TRAF1: variants seen among roughly 807,000 people sequenced by gnomAD.
TRAF1 encodes the protein TNF receptor-associated factor 1.
Under a neutral mutation model 40.9 loss-of-function variants are expected in TRAF1, and 23 were observed. The ratio of observed to expected loss-of-function variants is 0.56; its 90% CI spans 0.40 to 0.80. The LOEUF (loss-of-function observed/expected upper bound fraction) is 0.80. Among genes scored for constraint, TRAF1 ranks in the 30% least tolerant of loss-of-function variants. TRAF1 has a pLI of 0.00. For missense variants in TRAF1, 477 were observed against 528.7 expected (o/e 0.90, Z 0.96); for synonymous variants, 206 against 218.8 (o/e 0.94, Z 0.52).
At chr9:120,927,497 G>A (rs2046648848), upstream of TRAF1, 1 of 152,208 alleles carries the variant, frequency 6.6e-6, no homozygotes, top group Non-Finnish European at 1.5e-5. Context: ...GTGGGTCAAA[G>A]TGTGGTGTGT....
intron 2 of TRAF1, among the ~76,000 whole-genome samples, chr9:120,925,100 T>G (rs562404536): frequency 6.6e-6 from 1 of 152,342 alleles, no homozygotes; most frequent in South Asian, 2.1e-4. Context: ...TGTCGTCATG[T>G]TTGAACTTCT....
Position 120,914,291 on chromosome 9 carries a change from C to G in TRAF1, c.238G>C (p.Glu80Gln). The stretch of plus-strand genomic sequence containing the variant: ...CACCCAATTCCAGCCTCAGCCACCT[C>G]GGGGTGAGCCTGGAAATAATAATCA... ...RLRTQEKAHP[E>Q]VAEAGIGCPF... Residue 80 changes from glutamate (E) to glutamine (Q), a missense_variant, in exon 4 of 8, where the codon GAG becomes CAG. Coordinates refer to ENST00000373887, the MANE Select transcript of TRAF1 (RefSeq NM_005658.5). 6.6e-7 allele frequency: 1 copy of G among 1,520,574 alleles called. No individual in the cohort carries two copies. Among genetic ancestry groups the G allele is most frequent in the Non-Finnish European group, 8.9e-7 (1 of 1,122,890 alleles). 94.2% of individuals were successfully genotyped at this position (1,520,574 alleles called of 1,614,324 possible).
rs1021919399 is a variant in TRAF1, at chr9:120,926,687, A to G, written c.-364T>C. On this transcript the variant is annotated 5_prime_UTR_variant, in exon 1 of 8. An upstream start codon of the reference 5' UTR is lost. Coordinates refer to ENST00000373887, the MANE Select transcript of TRAF1 (RefSeq NM_005658.5). ...CCTCACAGTGGGTTCTGATGACTCC[A>G]TCTGTAAAAAAGAAGTTGCAACAGG... is the stretch of plus-strand genomic sequence containing the variant. The G allele has an allele frequency of 6.6e-6, 1 of 152,182 alleles. No individual in the cohort carries two copies. The highest frequency in any genetic ancestry group is 1.5e-5 in the Non-Finnish European group (1 of 68,094). The allele number at this position is 152,182 out of a possible 1,614,324, so 9.4% of individuals were successfully genotyped here.
chr9:120,911,534 C>T, intron 5 of TRAF1, 21 bp from the exon 6 acceptor site: 2 of 1,597,618 alleles, frequency 1.3e-6, no homozygotes, highest in Non-Finnish European at 1.7e-6. Flanking sequence ...GACTGTTCAG[C>T]CAGGAACACC....
At chr9:120,911,279 T>C (rs2131622590) in intron 6 of TRAF1, 57 bp downstream of exon 6, 2 of 1,570,150 alleles carry the variant, frequency 1.3e-6, no homozygotes, top group Admixed American at 1.8e-5. Context: ...GCTTGCTTCC[T>C]GGGTCCTGTG....
At chr9:120,925,198 G>T (rs142410063) in intron 2 of TRAF1, among the ~76,000 whole-genome samples, 21 of 152,338 alleles carry the variant, frequency 1.4e-4, no homozygotes, top group African/African-American at 4.3e-4. Flanking sequence ...GGGCATATTT[G>T]CCAGGAAACT....
At position 120,905,088 on chromosome 9, in the gene TRAF1, A is replaced by T; in HGVS notation, c.1183T>A (p.Ser395Thr). Residue 395 changes from serine to threonine, a missense_variant, in exon 8 of 8, where the codon TCA (serine) becomes ACA (threonine). Coordinates refer to ENST00000373887, the MANE Select transcript of TRAF1 (RefSeq NM_005658.5). ...PLFFPLSKLQSPKHAYVKDDT... is the reference protein window; with the variant it reads ...PLFFPLSKLQTPKHAYVKDDT... The stretch of plus-strand genomic sequence containing the variant: ...TCCTTCACGTAGGCGTGCTTGGGTG[A>T]CTGCAGTTTGCTGAGGGGGAAGAAG... 1 of 1,614,222 alleles carries T rather than the reference A, an allele frequency of 6.2e-7. No individual in the cohort carries two copies.
chr9:120,922,268 A>G (rs2046610603), intron 3 of TRAF1, among the ~76,000 whole-genome samples: 1 of 152,186 alleles, frequency 6.6e-6, no homozygotes, highest in African/African-American at 2.4e-5. Flanking sequence ...TTAAATTGAG[A>G]GATTAACAAA....
At chr9:120,925,895 C>T in intron 2 of TRAF1, 41 bp downstream of exon 2, 2 of 1,612,256 alleles carry the variant, frequency 1.2e-6, no homozygotes, top group Non-Finnish European at 1.7e-6. Context: ...CCCTCCCTGG[C>T]ACCCACTTTC....
upstream of TRAF1, chr9:120,928,866 A>C (rs1369456803): frequency 6.6e-6 from 1 of 152,288 alleles, no homozygotes; most frequent in African/African-American, 2.4e-5. Context: ...TTGCGAGGGC[A>C]GCGCTGGGAG....
chr9:120,911,766 T>G (rs969982732), intron 5 of TRAF1, among the ~76,000 whole-genome samples: 3 of 152,178 alleles, frequency 2.0e-5, no homozygotes, highest in Non-Finnish European at 4.4e-5. Context: ...TCTTTCAATA[T>G]GTTCTTACAG....
intron 3 of TRAF1, among the ~76,000 whole-genome samples, chr9:120,919,940 G>A (rs1185098775): frequency 2.0e-5 from 3 of 152,154 alleles, no homozygotes; most frequent in Non-Finnish European, 4.4e-5. Context: ...CCCACTTGCT[G>A]TGTGACTTTG....
rs897763404 is a variant in TRAF1 at position 120,902,588 on chromosome 9, C to T, written c.*2432G>A. 1 of 152,256 alleles carries T rather than the reference C, an allele frequency of 6.6e-6. No homozygotes were observed. The highest frequency in any genetic ancestry group is 2.4e-5 in the African/African-American group (1 of 41,412). 9.4% of individuals were successfully genotyped at this position (152,256 alleles called of 1,614,324 possible). A position where few individuals can be genotyped will look rare whatever the true frequency, so the allele number is the denominator to read the frequency against. Reference sequence around the variant, plus strand: ...TCATCTGACCCTTCTGACTCCCTCCCCCATCCTGCCACACAGACCCTGCCC... The same window carrying T: ...TCATCTGACCCTTCTGACTCCCTCCTCCATCCTGCCACACAGACCCTGCCC... On this transcript the variant is annotated 3_prime_UTR_variant, in exon 8 of 8. Transcript: ENST00000373887.
intron 2 of TRAF1, among the ~76,000 whole-genome samples, chr9:120,925,275 C>G (rs1176954264): frequency 6.6e-6 from 1 of 152,216 alleles, no homozygotes; most frequent in Non-Finnish European, 1.5e-5. Flanking sequence ...ATAATAGTAT[C>G]CACCCCTCTA....
intron 5 of TRAF1, among the ~76,000 whole-genome samples, 155 bp downstream of exon 5, chr9:120,913,173 G>A (rs945612231): frequency 1.1e-4 from 17 of 152,204 alleles, no homozygotes; most frequent in African/African-American, 3.9e-4. Context: ...CTAACTCAGC[G>A]CTCTTCCTGG....
chr9:120,915,964 C>A (rs2046566552), intron 3 of TRAF1, among the ~76,000 whole-genome samples: 1 of 152,208 alleles, frequency 6.6e-6, no homozygotes, highest in South Asian at 2.1e-4. Context: ...ACACATTTCA[C>A]TCCTAGGAAT....
rs1049838038 is a variant in TRAF1, at chr9:120,914,501, C to T, written c.229-201G>A. 6.6e-6 allele frequency: 8 copies of T among 1,205,456 alleles called. No individual in the cohort carries two copies. In the African/African-American group the frequency reaches 7.8e-5, roughly 12 times the overall value. 74.7% of individuals were successfully genotyped at this position (1,205,456 alleles called of 1,614,324 possible). ...ACCTTCCTTCAAAACAGGACCTGGG[C>T]CCTTACTGTGATCCTGGGCAGCACT... On this transcript the variant is annotated intron_variant, in intron 3 of 7. Coordinates refer to ENST00000373887, the MANE Select transcript of TRAF1 (RefSeq NM_005658.5).
At position 120,905,203 on chromosome 9, in the gene TRAF1, C is replaced by A. The variant is rs1338411809; in HGVS notation, c.1068G>T (p.Glu356Asp). The change falls in exon 8 of 8, where the codon GAG (glutamate) becomes GAT (aspartate). Residue 356 changes from glutamate to aspartate, a missense_variant. Glu to Asp is a conservative substitution (Grantham distance 45). Coordinates refer to ENST00000373887, the MANE Select transcript of TRAF1 (RefSeq NM_005658.5). The stretch of plus-strand genomic sequence containing the variant: ...CAGGCCGGAAGGCGTCAATGGCGTG[C>A]TCACGGTTGTTCTGGTCCAGCAGCA... ...TFMLLDQNNR[E>D]HAIDAFRPDL... The A allele has an allele frequency of 1.9e-5, 30 of 1,613,432 alleles. No homozygotes were observed. The highest frequency in any genetic ancestry group is 2.5e-5 in the Non-Finnish European group (29 of 1,179,748).
chr9:120,928,926 G>A (rs565527454), upstream of TRAF1, among the ~76,000 whole-genome samples: 1 of 152,288 alleles, frequency 6.6e-6, no homozygotes, highest in African/African-American at 2.4e-5. Context: ...CTGCGGGGCC[G>A]GGGCGCCCGC....
Sources: allele counts gnomAD v4.1 joint callset (sites outside exome capture counted in the v4.1 genomes callset), GRCh38; gene constraint gnomAD v4.1.1; transcripts MANE v1.5; gene names NCBI Gene and HGNC (gene_info 2026-07-23, HGNC 2026-07-21).